Variants in RBM4 observed in about 807,000 individuals in gnomAD.
RBM4 encodes the protein RNA binding motif protein 4.
A neutral mutation model predicts 29.5 loss-of-function variants in RBM4; 7 were observed. The ratio of observed to expected loss-of-function variants is 0.24; its 90% confidence interval spans 0.14 to 0.45. The LOEUF (loss-of-function observed/expected upper bound fraction) is 0.45, where lower values mean the gene tolerates loss of function less well. Ranked by LOEUF, RBM4 falls within the 20% of genes least tolerant of loss-of-function variation. The pLI is 1.00. For missense variants in RBM4, 387 were observed against 502.3 expected (o/e 0.77, Z 2.19); for synonymous variants, 220 against 205.4 (o/e 1.07, Z -0.61).
rs1173767967 is a variant in RBM4 at position 66,643,572 on chromosome 11, C to G, written c.535C>G (p.Arg179Gly). ...GHWSKECPID[R>G]SGRVADLTEQ... is the part of the protein sequence containing the mutation. The stretch of plus-strand genomic sequence containing the variant: ...CTGGTCCAAAGAGTGTCCGATAGAT[C>G]GTTCAGGCCGCGTGGCAGACTTGAC... The change falls in exon 3 of 4, where the codon CGT becomes GGT. Residue 179 changes from arginine (R) to glycine (G), a missense_variant. Arg to Gly is a moderately radical substitution (Grantham distance 125). Around this residue, in one of 2 missense-constraint regions of RBM4, gnomAD observed 281 missense variants for 288.7 expected, o/e 0.97. Coordinates refer to ENST00000310092, the MANE Select transcript of RBM4 (RefSeq NM_002896.4). The surrounding 1 kb of genome is among the most constrained non-coding windows in gnomAD (Gnocchi z 6.1). 1 of 1,614,174 alleles carries G rather than the reference C, an allele frequency of 6.2e-7. No homozygotes were observed. Among genetic ancestry groups the G allele is most frequent in the South Asian group, 1.1e-5 (1 of 91,080 alleles).
At chr11:66,644,799 A>G in intron 3 of RBM4, 1 of 734,022 alleles carries the variant, frequency 1.4e-6, no homozygotes, top group Non-Finnish European at 1.7e-6. Flanking sequence ...TCCACAAGGA[A>G]GTCTGGGCAT....
At chr11:66,663,277 ATG>A (rs1939119855) in intron 2 of RBM4, among the ~76,000 whole-genome samples, 2 of 152,352 alleles carry the variant, frequency 1.3e-5, no homozygotes, top group East Asian at 3.9e-4. Flanking sequence ...TCAAAGTACT[ATG>A]TATGAATATT....
At chr11:66,654,388 C>T (rs915084029) in intron 2 of RBM4, among the ~76,000 whole-genome samples, 5 of 151,694 alleles carry the variant, frequency 3.3e-5, no homozygotes, top group East Asian at 2.0e-4. Context: ...CCCAGCTATT[C>T]GGGAGGCTGA....
chr11:66,652,527 A>G (rs1285453974), intron 2 of RBM4, among the ~76,000 whole-genome samples: 1 of 152,218 alleles, frequency 6.6e-6, no homozygotes, highest in Non-Finnish European at 1.5e-5. Flanking sequence ...TGAAGCCTTA[A>G]TATTTGCTTT....
chr11:66,665,692 C>T lies in RBM4; in HGVS notation c.413-164C>T, dbSNP rs969989428. On this transcript the variant is annotated intron_variant, in intron 2 of 2. Transcript: ENST00000396053. ...TCCGGGGGGAAAAAAAAGAACAAAACAAAACCAAGTCAGACTGGATCTAAC... is the reference window on the plus strand; with the variant it reads ...TCCGGGGGGAAAAAAAAGAACAAAATAAAACCAAGTCAGACTGGATCTAAC... 3.0e-5 allele frequency: 45 copies of T among 1,500,410 alleles called. No homozygotes were observed. In the Admixed American group the frequency reaches 9.2e-4, roughly 31 times the overall value. The allele number at this position is 1,500,410 out of a possible 1,614,324, so 92.9% of individuals were successfully genotyped here.
In RBM4 at chr11:66,643,338, G is replaced by T; in HGVS notation, c.413-112G>T. 9.4e-6 allele frequency: 12 copies of T among 1,270,180 alleles called. No homozygotes were observed. The highest frequency in any genetic ancestry group is 1.2e-5 in the Non-Finnish European group (11 of 933,580). The allele number at this position is 1,270,180 out of a possible 1,614,324, so 78.7% of individuals were successfully genotyped here. On this transcript the variant is annotated intron_variant, in intron 2 of 3. Coordinates refer to ENST00000310092, the MANE Select transcript of RBM4 (RefSeq NM_002896.4). This position sits in a 1 kb window ranked among gnomAD's most constrained non-coding sequence, Gnocchi z 6.1. ...CCTTTTTATCTTTTCCTAAAGATGA[G>T]TCCTGCATTAGAATTGTCTAGATAA...
chr11:66,653,402 C>T (rs1938874247), intron 2 of RBM4, among the ~76,000 whole-genome samples: 1 of 145,196 alleles, frequency 6.9e-6, no homozygotes, highest in South Asian at 2.2e-4. Flanking sequence ...TGCTTTGTCA[C>T]CCAGGCTGGA....
At chr11:66,650,054 C>G (rs1938791269), downstream of RBM4, 1 of 440,394 alleles carries the variant, frequency 2.3e-6, no homozygotes, top group Non-Finnish European at 4.0e-6. Flanking sequence ...GGGCATTGTG[C>G]CTGTCCTCAC....
exon 3 of RBM4, chr11:66,665,905 T>C (rs1258394163): frequency 1.3e-6 from 2 of 1,535,396 alleles, no homozygotes; most frequent in Non-Finnish European, 1.7e-6. Flanking sequence ...ACAAAGGGCA[T>C]ACATACATTT....
At chr11:66,645,940 AT>A in intron 3 of RBM4, 86 bp from the exon 4 acceptor site, 1 of 1,534,274 alleles carries the variant, frequency 6.5e-7, no homozygotes, top group Non-Finnish European at 8.7e-7. Flanking sequence ...GTGTCAAGTT[AT>A]CAGACTTTGT....
chr11:66,659,524 C>A (rs1470226753), intron 2 of RBM4, among the ~76,000 whole-genome samples: 2 of 151,994 alleles, frequency 1.3e-5, no homozygotes, highest in Non-Finnish European at 2.9e-5. Flanking sequence ...CGGGTTCTGC[C>A]CGCCTTGGCC....
Position 66,656,508 on chromosome 11 carries a change from C to A in RBM4, c.413-9348C>A, listed in dbSNP as rs995899363. Among the ~76,000 whole-genome samples, 8 of 152,030 alleles carry A rather than the reference C, an allele frequency of 5.3e-5. No homozygotes were observed. In the South Asian group the frequency reaches 6.2e-4, roughly 12 times the overall value. On this transcript the variant is annotated intron_variant, in intron 2 of 2. Transcript: ENST00000396053. ...GTCAGACTGGTCTCGAACTCCCAGC[C>A]TCAGTTGATCTGCTCACCTTGGCCT...
chr11:66,640,280 A>G (rs1405284139), intron 2 of RBM4, 157 bp downstream of exon 2: 30 of 1,008,150 alleles, frequency 3.0e-5, no homozygotes, highest in Admixed American at 4.4e-5. Context: ...TGTAGAATGC[A>G]TGGGACTTAG....
intron 2 of RBM4, among the ~76,000 whole-genome samples, chr11:66,664,018 T>G (rs1003528952): frequency 1.3e-5 from 2 of 151,870 alleles, no homozygotes; most frequent in Non-Finnish European, 2.9e-5. Flanking sequence ...AAATCCTTTT[T>G]TGTTGTTTTG....
intron 2 of RBM4, chr11:66,664,972 AATAAAAAGACAAAC>A (rs1334408515): frequency 6.6e-6 from 1 of 152,346 alleles, no homozygotes; most frequent in African/African-American, 2.4e-5. Context: ...ACTGGGAGAG[AATAAAAAGACAAAC>A]ATAAAAAGAT....
At chr11:66,659,096 T>A (rs1266057568) in intron 2 of RBM4, among the ~76,000 whole-genome samples, 1 of 151,572 alleles carries the variant, frequency 6.6e-6, no homozygotes, top group Non-Finnish European at 1.5e-5. Flanking sequence ...CAATTTAATT[T>A]CACCTGTTTC....
At chr11:66,639,574 TG>T in intron 1 of RBM4, 125 bp from the exon 2 acceptor site, 1 of 1,159,038 alleles carries the variant, frequency 8.6e-7, no homozygotes, top group Non-Finnish European at 1.2e-6. Flanking sequence ...GATTATTGTG[TG>T]GAGGTGTGTG....
intron 2 of RBM4, among the ~76,000 whole-genome samples, chr11:66,651,695 G>A (rs529903459): frequency 3.8e-4 from 58 of 152,252 alleles, no homozygotes; most frequent in African/African-American, 1.3e-3. Flanking sequence ...ACAAAAGACC[G>A]TAAGACTGGA....
Position 66,643,566 on chromosome 11 carries a change from A to C in RBM4, c.529A>C (p.Ile177Leu). ...GGGGCACTGGTCCAAAGAGTGTCCG[A>C]TAGATCGTTCAGGCCGCGTGGCAGA... is the stretch of plus-strand genomic sequence containing the variant. The part of the protein sequence containing the change: ...KEGHWSKECP[I>L]DRSGRVADLT... The change falls in exon 3 of 4, where the codon ATA becomes CTA. Residue 177 changes from isoleucine (I) to leucine (L), a missense_variant. By Grantham distance (5) the Ile-to-Leu change is conservative. Around this residue, in one of 2 missense-constraint regions of RBM4, gnomAD observed 281 missense variants for 288.7 expected, o/e 0.97. Transcript: ENST00000310092. The surrounding 1 kb of genome is among the most constrained non-coding windows in gnomAD (Gnocchi z 6.1). 6.2e-7 allele frequency: 1 copy of C among 1,614,120 alleles called. No homozygotes were observed. The highest frequency in any genetic ancestry group is 8.5e-7 in the Non-Finnish European group (1 of 1,180,008).
Sources: gnomAD v4.1 joint callset for allele counts (sites outside exome capture counted in the v4.1 genomes callset) on GRCh38, gnomAD v4.1.1 for gene constraint, gnomAD v4.1.1 regional missense constraint, Gnocchi (gnomAD v3.1) non-coding constraint, MANE v1.5 for transcripts, NCBI Gene and HGNC (gene_info 2026-07-23, HGNC 2026-07-21) for gene names.